The following TMEM217 variants were observed in gnomAD, a reference collection of about 807,000 sequenced individuals.
TMEM217 encodes transmembrane protein 217, also known as chromosome 6 open reading frame 128.
For synonymous variants in TMEM217, 76 were observed against 88.3 expected, an observed-to-expected ratio of 0.86 and a Z score of 0.78; for missense variants, 204 against 248.8, an observed-to-expected ratio of 0.82 and a Z score of 1.21.
At chr6:37,240,823 T>C (rs1336444214) in intron 1 of TMEM217, among the ~76,000 whole-genome samples, 1 of 152,228 alleles carries the variant, frequency 6.6e-6, no homozygotes, top group Non-Finnish European at 1.5e-5. Context: ...CAAAAATATA[T>C]GTACCTATCT....
At chr6:37,257,939 C>A in exon 1 of TMEM217, 1 of 1,614,072 alleles carries the variant, frequency 6.2e-7, no homozygotes, top group Non-Finnish European at 8.5e-7. Context: ...GAACAGCAAG[C>A]AGTTTTGGAA....
intron 1 of TMEM217, among the ~76,000 whole-genome samples, chr6:37,241,274 C>T (rs1764752406): frequency 6.6e-6 from 1 of 151,122 alleles, no homozygotes; most frequent in South Asian, 2.1e-4. Context: ...AACGGGGTCT[C>T]ACTATGTTGC....
chr6:37,253,720 C>T (rs969906703), intron 1 of TMEM217, among the ~76,000 whole-genome samples: 4 of 152,124 alleles, frequency 2.6e-5, no homozygotes, highest in African/African-American at 9.7e-5. Flanking sequence ...TAAAGTCTGC[C>T]AGGGATCTCT....
intron 1 of TMEM217, among the ~76,000 whole-genome samples, chr6:37,241,733 G>A (rs951977602): frequency 2.6e-5 from 4 of 152,034 alleles, no homozygotes; most frequent in African/African-American, 9.7e-5. Flanking sequence ...AAATACAAAT[G>A]GACATTTTGT....
intron 1 of TMEM217, among the ~76,000 whole-genome samples, chr6:37,255,659 G>A (rs1387618906): frequency 6.6e-6 from 1 of 151,700 alleles, no homozygotes; most frequent in African/African-American, 2.4e-5. Flanking sequence ...ACTCCAGCTT[G>A]GGTGACAGGG....
chr6:37,212,263 C>A, exon 4 of TMEM217: 1 of 347,864 alleles, frequency 2.9e-6, no homozygotes, highest in Non-Finnish European at 5.7e-6. Flanking sequence ...TTGATCCGCA[C>A]AACCTGCCCT....
At chr6:37,246,969 A>C (rs1765121632) in intron 1 of TMEM217, among the ~76,000 whole-genome samples, 1 of 152,070 alleles carries the variant, frequency 6.6e-6, no homozygotes, top group Non-Finnish European at 1.5e-5. Context: ...AGTACCTATC[A>C]GGCATGGTTA....
At chr6:37,227,721 T>C (rs566805610) in intron 1 of TMEM217, among the ~76,000 whole-genome samples, 1 of 152,166 alleles carries the variant, frequency 6.6e-6, no homozygotes, top group African/African-American at 2.4e-5. Context: ...TGTGCTGGGA[T>C]TACAGGTATG....
intron 1 of TMEM217, among the ~76,000 whole-genome samples, chr6:37,221,636 C>G (rs1763529849): frequency 6.6e-6 from 1 of 152,122 alleles, no homozygotes; most frequent in African/African-American, 2.4e-5. Context: ...TATGAAGAAA[C>G]AGGAAACCAT....
intron 1 of TMEM217, 82 bp from the exon 2 acceptor site, chr6:37,219,123 A>C: frequency 1.6e-6 from 2 of 1,252,042 alleles, no homozygotes; most frequent in Non-Finnish European, 2.2e-6. Context: ...CCTTCCCCAA[A>C]TCTACTTTGG....
chr6:37,237,860 A>G (rs1250007061), intron 1 of TMEM217, among the ~76,000 whole-genome samples: 3 of 152,190 alleles, frequency 2.0e-5, no homozygotes, highest in Non-Finnish European at 4.4e-5. Context: ...TATAGATGCA[A>G]GAAAACTCTA....
intron 1 of TMEM217, among the ~76,000 whole-genome samples, chr6:37,222,070 C>T (rs1430283971): frequency 2.0e-5 from 3 of 152,212 alleles, no homozygotes; most frequent in Non-Finnish European, 2.9e-5. Flanking sequence ...TCTCTGCTCT[C>T]TTCGTCCTCT....
chr6:37,214,356 T>C (rs1458755190), downstream of TMEM217, among the ~76,000 whole-genome samples: 2 of 152,094 alleles, frequency 1.3e-5, no homozygotes, highest in Non-Finnish European at 2.9e-5. Context: ...GCCTCCCAAG[T>C]AGCTGGGATT....
downstream of TMEM217, among the ~76,000 whole-genome samples, chr6:37,216,032 TGA>T (rs762266406): frequency 0.046 from 6,413 of 138,472 alleles, 158 homozygotes; most frequent in South Asian, 0.067. Flanking sequence ...TGTGTGTGTG[TGA>T]GAAACAGATA....
chr6:37,231,108 G>A (rs1355787450), intron 1 of TMEM217, among the ~76,000 whole-genome samples: 1 of 151,802 alleles, frequency 6.6e-6, no homozygotes. Context: ...GTCCCAGGCT[G>A]GAGTGCAGGC....
chr6:37,242,530 C>G (rs1400309959), intron 1 of TMEM217, among the ~76,000 whole-genome samples: 1 of 152,184 alleles, frequency 6.6e-6, no homozygotes, highest in Non-Finnish European at 1.5e-5. Flanking sequence ...AAAAGCCTGT[C>G]ATGCTTTGGT....
intron 1 of TMEM217, among the ~76,000 whole-genome samples, chr6:37,250,828 G>A (rs1765360640): frequency 6.6e-6 from 1 of 152,208 alleles, no homozygotes. Context: ...TTTCATTAAA[G>A]GTCCCAACCT....
chr6:37,246,847 G>A (rs1449354734), intron 1 of TMEM217, among the ~76,000 whole-genome samples: 1 of 151,412 alleles, frequency 6.6e-6, no homozygotes, highest in Admixed American at 6.6e-5. Context: ...AGGCCGCAGT[G>A]AGCCATGATT....
downstream of TMEM217, among the ~76,000 whole-genome samples, chr6:37,215,992 AGGGTGTGTGTGTGT>A (rs1224251819): frequency 1.1e-5 from 1 of 92,570 alleles, no homozygotes; most frequent in East Asian, 3.8e-4. Flanking sequence ...GAGGTTCTTC[AGGGTGTGTGTGTGT>A]GTGTGTGTGT....
Sources: gnomAD v4.1 joint callset for allele counts (sites outside exome capture counted in the v4.1 genomes callset) on GRCh38, gnomAD v4.1.1 for gene constraint, MANE v1.5 for transcripts, NCBI Gene and HGNC (gene_info 2026-07-23, HGNC 2026-07-21) for gene names.